Variants in B3GALT1 observed in about 807,000 individuals in gnomAD.
The protein encoded by B3GALT1 is beta-1,3-galactosyltransferase 1, also known as UDP-Gal:betaGlcNAc beta 1,3-galactosyltransferase, polypeptide 1.
B3GALT1 carries 10 observed loss-of-function variants against 23.2 expected under a neutral mutation model. That is an observed-to-expected ratio of 0.43 (90% CI 0.27 to 0.73). B3GALT1 has a LOEUF of 0.73. B3GALT1 is among the 30% of genes least tolerant of loss of function. The pLI, the probability that B3GALT1 is intolerant of heterozygous loss-of-function variation, is 0.21. For missense variants in B3GALT1, 299 were observed against 405.4 expected, an observed-to-expected ratio of 0.74 and a Z score of 2.25; for synonymous variants, 156 against 141.5, an observed-to-expected ratio of 1.10 and a Z score of -0.73.
At chr2:167,421,288 TG>T (rs1698543391) in intron 1 of B3GALT1, among the ~76,000 whole-genome samples, 1 of 152,204 alleles carries the variant, frequency 6.6e-6, no homozygotes, top group African/African-American at 2.4e-5. Flanking sequence ...GGATATTGGC[TG>T]CCACATCAAA....
At chr2:167,444,196 C>T (rs1235908192) in intron 1 of B3GALT1, among the ~76,000 whole-genome samples, 1 of 152,190 alleles carries the variant, frequency 6.6e-6, no homozygotes, top group Non-Finnish European at 1.5e-5. Flanking sequence ...TTGAACCAGC[C>T]TTGCATCCCA....
intron 3 of B3GALT1, among the ~76,000 whole-genome samples, chr2:167,682,215 A>G (rs1040340473): frequency 6.6e-6 from 1 of 152,028 alleles, no homozygotes; most frequent in Non-Finnish European, 1.5e-5. Context: ...TTTTTGTTTG[A>G]TATTTTAACT....
At chr2:167,506,185 G>A (rs1285046824) in intron 2 of B3GALT1, among the ~76,000 whole-genome samples, 1 of 152,118 alleles carries the variant, frequency 6.6e-6, no homozygotes, top group Non-Finnish European at 1.5e-5. Flanking sequence ...AGCAAGCATT[G>A]CACACCTCTG....
chr2:167,556,406 T>C (rs1683853442), intron 2 of B3GALT1, among the ~76,000 whole-genome samples: 1 of 152,114 alleles, frequency 6.6e-6, no homozygotes, highest in Non-Finnish European at 1.5e-5. Flanking sequence ...ATAATGAGAA[T>C]GTACAAATTT....
intron 1 of B3GALT1, among the ~76,000 whole-genome samples, chr2:167,316,591 C>T (rs943538738): frequency 2.0e-5 from 3 of 152,210 alleles, no homozygotes; most frequent in African/African-American, 7.2e-5. Context: ...TGGACACGTC[C>T]AGAGGTTAGG....
At chr2:167,455,874 G>T (rs747406759) in intron 1 of B3GALT1, among the ~76,000 whole-genome samples, 1 of 151,958 alleles carries the variant, frequency 6.6e-6, no homozygotes, top group Non-Finnish European at 1.5e-5. Context: ...AATATACATC[G>T]AATTGTAGAG....
chr2:167,631,092 T>A (rs1467738318), intron 2 of B3GALT1, among the ~76,000 whole-genome samples: 4 of 151,916 alleles, frequency 2.6e-5, no homozygotes, highest in African/African-American at 9.7e-5. Flanking sequence ...CATATGTTGC[T>A]TTAACTCTTT....
chr2:167,625,409 C>T (rs1247183515), intron 2 of B3GALT1, among the ~76,000 whole-genome samples: 2 of 151,596 alleles, frequency 1.3e-5, no homozygotes, highest in Non-Finnish European at 3.0e-5. Flanking sequence ...ATGTAATGGG[C>T]TAAAAAATTT....
chr2:167,821,687 A>C (rs192876388), intron 4 of B3GALT1, among the ~76,000 whole-genome samples: 1 of 152,058 alleles, frequency 6.6e-6, no homozygotes, highest in South Asian at 2.1e-4. Context: ...CACCCGCCTC[A>C]TCCTCCCAAA....
At chr2:167,825,477 T>TTATATATAAATTATATA (rs1044679605) in intron 4 of B3GALT1, among the ~76,000 whole-genome samples, 2 of 146,410 alleles carry the variant, frequency 1.4e-5, no homozygotes, top group Non-Finnish European at 3.0e-5. Context: ...TGTGTGTGTG[T>TTATATATAAATTATATA]TATATATAAA....
At chr2:167,303,682 C>CAGAGAGAG (rs1553510007) in intron 1 of B3GALT1, among the ~76,000 whole-genome samples, 4 of 148,722 alleles carry the variant, frequency 2.7e-5, no homozygotes, top group African/African-American at 7.5e-5. Flanking sequence ...CACACACACA[C>CAGAGAGAG]AGAGAGAGAC....
At chr2:167,845,813 G>A (rs1031371443) in intron 4 of B3GALT1, among the ~76,000 whole-genome samples, 1 of 152,022 alleles carries the variant, frequency 6.6e-6, no homozygotes. Context: ...AACTAGGGAG[G>A]CACCAGAGAA....
At chr2:167,508,384 A>G (rs1238298) in intron 2 of B3GALT1, among the ~76,000 whole-genome samples, 75,455 of 150,702 alleles carry the variant, frequency 0.5, 21,806 homozygotes, top group East Asian at 0.98. Flanking sequence ...TCAGCTTCCC[A>G]AGTAGCTGGG....
chr2:167,377,196 G>A (rs1163042898), intron 1 of B3GALT1, among the ~76,000 whole-genome samples: 1 of 152,146 alleles, frequency 6.6e-6, no homozygotes, highest in Non-Finnish European at 1.5e-5. Context: ...TGGACTGATA[G>A]TATGGTTGGT....
chr2:167,510,843 T>C (rs928417925), intron 2 of B3GALT1, among the ~76,000 whole-genome samples: 2 of 152,128 alleles, frequency 1.3e-5, no homozygotes, highest in Non-Finnish European at 2.9e-5. Flanking sequence ...GAATTTGGAA[T>C]TCAGGGAGAT....
At chr2:167,643,055 C>T (rs955898201) in intron 2 of B3GALT1, among the ~76,000 whole-genome samples, 1 of 152,028 alleles carries the variant, frequency 6.6e-6, no homozygotes, top group African/African-American at 2.4e-5. Flanking sequence ...CAGCTTACTT[C>T]GTAAGAATTT....
At chr2:167,482,730 C>T (rs920739065) in intron 1 of B3GALT1, among the ~76,000 whole-genome samples, 4 of 152,082 alleles carry the variant, frequency 2.6e-5, no homozygotes, top group Non-Finnish European at 5.9e-5. Context: ...ATCCCAACTG[C>T]TAGGGAGGCT....
At chr2:167,738,339 G>A (rs979872801) in intron 3 of B3GALT1, among the ~76,000 whole-genome samples, 1 of 152,204 alleles carries the variant, frequency 6.6e-6, no homozygotes, top group Non-Finnish European at 1.5e-5. Flanking sequence ...TATATATGGA[G>A]TGGGCCAAGG....
chr2:167,529,647 T>C (rs1475189771), intron 2 of B3GALT1, among the ~76,000 whole-genome samples: 1 of 150,822 alleles, frequency 6.6e-6, no homozygotes, highest in Non-Finnish European at 1.5e-5. Context: ...CCTCCGTCTT[T>C]CAGTAGCTCA....
Sources: gnomAD v4.1 joint callset for allele counts (sites outside exome capture counted in the v4.1 genomes callset) on GRCh38, gnomAD v4.1.1 for gene constraint, MANE v1.5 for transcripts, NCBI Gene and HGNC (gene_info 2026-07-23, HGNC 2026-07-21) for gene names.